CDK6: variants seen among roughly 807,000 people sequenced by gnomAD.
CDK6 encodes the protein cyclin dependent kinase 6, also known as cyclin-dependent kinase 6.
CDK6 carries 6 observed loss-of-function variants against 37.1 expected under a neutral mutation model. That is an observed-to-expected ratio of 0.16 (90% CI 0.09 to 0.32). The LOEUF is 0.32. Among genes scored for constraint, CDK6 ranks in the 10% least tolerant of loss-of-function variants. The pLI is 1.00. For synonymous variants in CDK6, 160 were observed against 161.3 expected (o/e 0.99, Z 0.06); for missense variants, 224 against 418.9 (o/e 0.53, Z 4.06).
At position 92,609,042 on chromosome 7, in the gene CDK6, G is replaced by T. The variant is rs1795501977; in HGVS notation, c.*6098C>A. ...CTCTAGTTCCTGGGAGCAGAGGGGC[G>T]AATGAGGCGGGGGATTTCTCAGCCA... On this transcript the variant is annotated 3_prime_UTR_variant, in exon 8 of 8. Coordinates refer to ENST00000424848, the MANE Select transcript of CDK6 (RefSeq NM_001145306.2). 1 of 233,472 alleles carries T rather than the reference G, an allele frequency of 4.3e-6. No homozygotes were observed. The highest frequency in any genetic ancestry group is 6.0e-5 in the East Asian group (1 of 16,570). The allele number at this position is 233,472 out of a possible 1,614,324, so 14.5% of individuals were successfully genotyped here.
In CDK6 at chr7:92,715,278, C is replaced by T. The variant is rs1173847836; in HGVS notation, c.537+10348G>A. On this transcript the variant is annotated intron_variant, in intron 4 of 7. Coordinates refer to ENST00000424848, the MANE Select transcript of CDK6 (RefSeq NM_001145306.2). ...TGTAACTTTATATCAGTATCCAAAC[C>T]TGAAGTAGTAGAGCTTTTTCTCCCT... Among the ~76,000 whole-genome samples, 3 of 150,436 alleles carry T rather than the reference C, an allele frequency of 2.0e-5. 1 individual carries two copies. The highest frequency in any genetic ancestry group is 1.3e-4 in the Admixed American group (2 of 15,210).
intron 5 of CDK6, among the ~76,000 whole-genome samples, chr7:92,626,410 C>A (rs7787664): frequency 0.045 from 6,861 of 151,918 alleles, 551 homozygotes; most frequent in African/African-American, 0.16. Flanking sequence ...ACAGAAGTCG[C>A]GGTAATCGTT....
intron 6 of CDK6, among the ~76,000 whole-genome samples, chr7:92,621,871 G>A (rs2116492369): frequency 6.6e-6 from 1 of 152,320 alleles, no homozygotes; most frequent in African/African-American, 2.4e-5. Context: ...TGACTCAGCA[G>A]TAGCACTGGC....
intron 2 of CDK6, among the ~76,000 whole-genome samples, chr7:92,783,943 T>G (rs1348694412): frequency 6.6e-6 from 1 of 152,122 alleles, no homozygotes; most frequent in African/African-American, 2.4e-5. Context: ...TAGTCCTACA[T>G]ACAGCAAGCA....
intron 3 of CDK6, among the ~76,000 whole-genome samples, chr7:92,742,901 G>A (rs569205923): frequency 1.3e-5 from 2 of 152,220 alleles, no homozygotes; most frequent in African/African-American, 2.4e-5. Context: ...GACTTAAAAT[G>A]TACAAGTATG....
In CDK6 at chr7:92,688,589, A is replaced by T. The variant is rs1469107027; in HGVS notation, c.538-17054T>A. On this transcript the variant is annotated intron_variant, in intron 4 of 7. Coordinates refer to ENST00000424848, the MANE Select transcript of CDK6 (RefSeq NM_001145306.2). Reference sequence around the variant, plus strand: ...TATAGACTACATATACATCACACACACACACACACACACACACACACACAC... The same window carrying T: ...TATAGACTACATATACATCACACACTCACACACACACACACACACACACAC... 5.7e-3 allele frequency among the ~76,000 whole-genome samples: 806 copies of T among 141,804 alleles called. 8 individuals carry two copies. Among genetic ancestry groups the T allele is most frequent in the African/African-American group, 0.019 (675 of 35,558 alleles). 93.0% of individuals were successfully genotyped at this position (141,804 alleles called of 152,430 possible). A position where few individuals can be genotyped will look rare whatever the true frequency, so the allele number is the denominator to read the frequency against.
intron 2 of CDK6, among the ~76,000 whole-genome samples, chr7:92,793,585 T>A (rs889890691): frequency 2.0e-5 from 3 of 152,044 alleles, no homozygotes. Context: ...CCTCACAATA[T>A]ACACAGAAAT....
At chr7:92,825,863 A>G (rs1801297556) in intron 2 of CDK6, among the ~76,000 whole-genome samples, 1 of 152,202 alleles carries the variant, frequency 6.6e-6, no homozygotes, top group Non-Finnish European at 1.5e-5. Flanking sequence ...TCTTCTTTGC[A>G]GTATATAAAT....
chr7:92,652,038 A>G (rs890705961), intron 5 of CDK6, among the ~76,000 whole-genome samples: 3 of 152,240 alleles, frequency 2.0e-5, no homozygotes, highest in African/African-American at 7.2e-5. Flanking sequence ...CTACAGCACA[A>G]ATACTTTTGA....
At chr7:92,662,241 G>C (rs1297310805) in intron 5 of CDK6, among the ~76,000 whole-genome samples, 2 of 152,130 alleles carry the variant, frequency 1.3e-5, no homozygotes, top group African/African-American at 4.8e-5. Flanking sequence ...TTTTTGAACT[G>C]AAAGAGAAAA....
intron 5 of CDK6, among the ~76,000 whole-genome samples, chr7:92,630,452 A>C (rs1796026441): frequency 6.6e-6 from 1 of 152,152 alleles, no homozygotes; most frequent in Non-Finnish European, 1.5e-5. Context: ...TTCTCACTCT[A>C]ACCATGAAGT....
At chr7:92,771,707 GCA>G (rs1264270867) in intron 3 of CDK6, among the ~76,000 whole-genome samples, 4 of 152,220 alleles carry the variant, frequency 2.6e-5, no homozygotes, top group Admixed American at 1.3e-4. Context: ...AACCCTCCCT[GCA>G]CAGAGTGAAT....
chr7:92,714,297 A>G (rs1585421968), intron 4 of CDK6, among the ~76,000 whole-genome samples: 1 of 152,330 alleles, frequency 6.6e-6, no homozygotes, highest in African/African-American at 2.4e-5. Flanking sequence ...GAGAATGTTT[A>G]GTGACACGGA....
chr7:92,814,555 C>CAA (rs201939605), intron 2 of CDK6, among the ~76,000 whole-genome samples: 1,126 of 69,846 alleles, frequency 0.016, 31 homozygotes, highest in African/African-American at 0.04. Context: ...AACTGAATTG[C>CAA]AAAAAAAAAA....
At chr7:92,782,071 C>G (rs183990238) in intron 2 of CDK6, among the ~76,000 whole-genome samples, 1 of 152,298 alleles carries the variant, frequency 6.6e-6, no homozygotes, top group East Asian at 1.9e-4. Flanking sequence ...ATTTCAGCAG[C>G]ACCCATAAAC....
chr7:92,630,965 T>C (rs768500231), intron 5 of CDK6, among the ~76,000 whole-genome samples: 2 of 152,124 alleles, frequency 1.3e-5, no homozygotes, highest in South Asian at 2.1e-4. Flanking sequence ...GGCTTATCAA[T>C]TGCCTTCACT....
chr7:92,732,396 G>A (rs1008320063), intron 3 of CDK6, among the ~76,000 whole-genome samples: 2 of 152,302 alleles, frequency 1.3e-5, no homozygotes, highest in South Asian at 2.1e-4. Flanking sequence ...CAGCCTGGGC[G>A]ACAGCTCTCA....
Position 92,611,884 on chromosome 7 carries a change from A to G in CDK6, c.*3256T>C. 4.3e-6 allele frequency: 1 copy of G among 232,566 alleles called. No individual in the cohort carries two copies. The highest frequency in any genetic ancestry group is 8.5e-6 in the Non-Finnish European group (1 of 117,652). 14.4% of individuals were successfully genotyped at this position (232,566 alleles called of 1,614,324 possible). On this transcript the variant is annotated 3_prime_UTR_variant, in exon 8 of 8. Transcript: ENST00000424848. ...ATTCACAGTGTGTGCTTCCTGAGAG[A>G]AAATCATGAGAATACAGGGGGCTGA...
rs1462679470 is a variant in CDK6, at chr7:92,608,556, A to G, written c.*6584T>C. On this transcript the variant is annotated 3_prime_UTR_variant, in exon 8 of 8. Transcript: ENST00000424848. ...TATACATCTTTTCTTTAAAAAAACA[A>G]AAACAAAAACAAAAACTGAGCTTAG... 2 of 232,066 alleles carry G rather than the reference A, an allele frequency of 8.6e-6. No homozygotes were observed. The highest frequency in any genetic ancestry group is 1.7e-5 in the Non-Finnish European group (2 of 117,314). The allele number at this position is 232,066 out of a possible 1,614,324, so 14.4% of individuals were successfully genotyped here.
Sources: allele counts gnomAD v4.1 joint callset (sites outside exome capture counted in the v4.1 genomes callset), GRCh38; gene constraint gnomAD v4.1.1; transcripts MANE v1.5; gene names NCBI Gene and HGNC (gene_info 2026-07-23, HGNC 2026-07-21).